The following POTEM variants were observed in gnomAD, a reference collection of about 807,000 sequenced individuals.
POTEM encodes the protein putative POTE ankyrin domain family member M.
For synonymous variants in POTEM, 8 were observed against 113.2 expected, an observed-to-expected ratio of 0.07 and a Z score of 5.90; for missense variants, 24 against 343.0, an observed-to-expected ratio of 0.07 and a Z score of 7.35.
Position 18,968,860 on chromosome 14 carries a change from C to G in POTEM, c.521+854C>G, listed in dbSNP as rs1341982010. On this transcript the variant is annotated intron_variant, in intron 1 of 10. Transcript: ENST00000547889. ...AAAAGTGAGCTTTTTCTATTTATCA[C>G]TTTTACTTAAGCCAAATAAAAATAG... 2.0e-5 allele frequency among the ~76,000 whole-genome samples: 3 copies of G among 148,502 alleles called. No homozygotes were observed. In the East Asian group the frequency reaches 6.0e-4, roughly 30 times the overall value.
intron 6 of POTEM, among the ~76,000 whole-genome samples, chr14:18,982,835 G>T (rs1378571606): frequency 2.2e-4 from 7 of 32,156 alleles, no homozygotes; most frequent in Non-Finnish European, 5.0e-4. Flanking sequence ...ATTGTTGGCA[G>T]TTTTTTTTTT....
intron 1 of POTEM, among the ~76,000 whole-genome samples, chr14:18,968,817 C>T (rs1368952016): frequency 5.3e-5 from 8 of 151,488 alleles, no homozygotes; most frequent in African/African-American, 1.2e-4. Flanking sequence ...AGCAAGACTC[C>T]GTCTCAAAAA....
At chr14:18,969,140 T>C (rs1236304342) in intron 1 of POTEM, among the ~76,000 whole-genome samples, 1 of 138,130 alleles carries the variant, frequency 7.2e-6, no homozygotes, top group African/African-American at 2.9e-5. Context: ...AAAAGATGGA[T>C]TGTTCATAAT....
At chr14:18,969,402 T>TGA (rs1890859156) in intron 1 of POTEM, among the ~76,000 whole-genome samples, 1 of 134,848 alleles carries the variant, frequency 7.4e-6, no homozygotes, top group Non-Finnish European at 1.6e-5. Context: ...TTTTTTTTTT[T>TGA]GATGGAGTCT....
intron 6 of POTEM, among the ~76,000 whole-genome samples, chr14:18,982,798 A>T (rs1315470708): frequency 1.2e-3 from 69 of 58,208 alleles, no homozygotes; most frequent in South Asian, 6.4e-3. Context: ...GTTTAGCTTA[A>T]TTTTTTTCCC....
intron 1 of POTEM, among the ~76,000 whole-genome samples, chr14:18,969,316 T>C (rs1213639692): frequency 3.9e-4 from 8 of 20,492 alleles, no homozygotes; most frequent in Non-Finnish European, 1.1e-4. Context: ...CGTATATATA[T>C]GTATATATAT....
At chr14:18,982,776 C>T (rs1594276098) in intron 6 of POTEM, among the ~76,000 whole-genome samples, 3 of 62,890 alleles carry the variant, frequency 4.8e-5, no homozygotes, top group East Asian at 3.4e-4. Context: ...TGGTGTTATG[C>T]TTTTTTCATT....
chr14:18,980,120 GTC>G lies in POTEM; in HGVS notation c.1106_1107del (p.Ser369PhefsTer2), dbSNP rs1891045066. On this transcript the variant is annotated frameshift_variant, in exon 6 of 11. Transcript: ENST00000547889. LOFTEE classifies it high-confidence loss of function. The part of the protein sequence containing the change: ...SDYKEKQILK[V>X]SSENSNPEQD... ...CTACAAAGAAAAACAGATACTAAAAGTCTCTTCTGAAAACAGCAATCCAGGTA... is the reference window on the plus strand; with the variant it reads ...CTACAAAGAAAAACAGATACTAAAAGTCTTCTGAAAACAGCAATCCAGGTA... 24 of 563,512 alleles carry G rather than the reference GTC, an allele frequency of 4.3e-5. No homozygotes were observed. In the East Asian group the frequency reaches 9.1e-4, roughly 21 times the overall value. The allele number at this position is 563,512 out of a possible 1,614,324, so 34.9% of individuals were successfully genotyped here. A position where few individuals can be genotyped will look rare whatever the true frequency, so the allele number is the denominator to read the frequency against.
At chr14:18,969,387 T>C (rs1890858372) in intron 1 of POTEM, among the ~76,000 whole-genome samples, 3 of 121,540 alleles carry the variant, frequency 2.5e-5, no homozygotes, top group Admixed American at 7.7e-5. Flanking sequence ...ATACACAAAA[T>C]TTCTTTTTTT....
intron 6 of POTEM, among the ~76,000 whole-genome samples, chr14:18,982,809 G>T (rs1293615593): frequency 4.0e-5 from 2 of 50,330 alleles, no homozygotes; most frequent in African/African-American, 1.5e-4. Flanking sequence ...TTTTTTTCCC[G>T]TAAGAAATAA....
At chr14:18,980,725 TA>T (rs1249783525) in intron 6 of POTEM, 1 of 129,702 alleles carries the variant, frequency 7.7e-6, no homozygotes, top group East Asian at 2.1e-4. Context: ...CTACCATAGA[TA>T]AAAAACTAAA....
intron 4 of POTEM, among the ~76,000 whole-genome samples, chr14:18,976,876 ACCTTG>A (rs1890965321): frequency 2.1e-5 from 3 of 140,728 alleles, no homozygotes; most frequent in Non-Finnish European, 3.1e-5. Context: ...TAGGTGTGTG[ACCTTG>A]GGAACGTTAT....
At chr14:18,968,273 G>T (rs867256331) in intron 1 of POTEM, among the ~76,000 whole-genome samples, 5 of 152,348 alleles carry the variant, frequency 3.3e-5, no homozygotes, top group South Asian at 2.1e-4. Flanking sequence ...CAACATTGTC[G>T]ATGCAGCAGA....
chr14:18,979,770 C>CT (rs1891034088), intron 5 of POTEM, among the ~76,000 whole-genome samples: 1 of 148,768 alleles, frequency 6.7e-6, no homozygotes, highest in African/African-American at 2.5e-5. Context: ...GAACAAATAG[C>CT]TGTTCATTAT....
At chr14:18,990,889 AT>A (rs200925682) in intron 9 of POTEM, among the ~76,000 whole-genome samples, 3,376 of 30,122 alleles carry the variant, frequency 0.11, 10 homozygotes, top group East Asian at 0.21. Flanking sequence ...TTCTCATGAC[AT>A]TTTTTTTTTT....
At chr14:18,985,755 C>G (rs1476574311) in intron 7 of POTEM, among the ~76,000 whole-genome samples, 1 of 141,724 alleles carries the variant, frequency 7.1e-6, no homozygotes, top group Non-Finnish European at 1.5e-5. Flanking sequence ...AATACAAAAA[C>G]TTAGCCGGGT....
rs1891406757 is a variant in POTEM at position 19,002,744 on chromosome 14, C to G, written c.*4079C>G. 6.6e-6 allele frequency among the ~76,000 whole-genome samples: 1 copy of G among 152,260 alleles called. No homozygotes were observed. The highest frequency in any genetic ancestry group is 6.5e-5 in the Admixed American group (1 of 15,288). Reference sequence around the variant, plus strand: ...GTGGAGAGCTGCAGCAAGGTGGCCCCTACGGCCACGCACCAGCCTGCACAT... The same window carrying G: ...GTGGAGAGCTGCAGCAAGGTGGCCCGTACGGCCACGCACCAGCCTGCACAT... On this transcript the variant is annotated 3_prime_UTR_variant, in exon 11 of 11. Coordinates refer to ENST00000547889, the MANE Select transcript of POTEM (RefSeq NM_001145442.1).
In POTEM at chr14:19,002,931, C is replaced by T. The variant is rs1303232380; in HGVS notation, c.*4266C>T. 1.8e-4 allele frequency among the ~76,000 whole-genome samples: 28 copies of T among 152,302 alleles called. No homozygotes were observed. The highest frequency in any genetic ancestry group is 1.2e-3 in the Admixed American group (18 of 15,306). On this transcript the variant is annotated 3_prime_UTR_variant, in exon 11 of 11. Transcript: ENST00000547889. ...CCATTAAAGAAAAGAAATTTCAGCC[C>T]ATAATTTCATGTCCAGCAAAATTAG...
chr14:18,977,227 T>C (rs1319662096), intron 4 of POTEM: 1 of 531,916 alleles, frequency 1.9e-6, no homozygotes, highest in South Asian at 2.5e-5. Flanking sequence ...GACTTTAAAT[T>C]AGTAGCTTCT....
Sources: gnomAD v4.1 joint callset for allele counts (sites outside exome capture counted in the v4.1 genomes callset) on GRCh38, gnomAD v4.1.1 for gene constraint, MANE v1.5 for transcripts, NCBI Gene and HGNC (gene_info 2026-07-23, HGNC 2026-07-21) for gene names.